Variants in RAD51B observed in about 807,000 individuals in gnomAD.
RAD51B encodes RAD51 paralog B.
A neutral mutation model predicts 42.2 loss-of-function variants in RAD51B; 38 were observed. That is an observed-to-expected ratio of 0.90 (90% confidence interval 0.70 to 1.18). The LOEUF is 1.18. Ranked by LOEUF, RAD51B falls within the 50% of genes most tolerant of loss-of-function variation. The pLI is 0.00. For missense variants in RAD51B, 373 were observed against 400.7 expected (o/e 0.93, Z 0.59); for synonymous variants, 154 against 145.2 (o/e 1.06, Z -0.43).
intron 7 of RAD51B, among the ~76,000 whole-genome samples, chr14:68,094,145 T>A (rs1215819388): frequency 6.6e-6 from 1 of 152,278 alleles, no homozygotes; most frequent in African/African-American, 2.4e-5. Context: ...TTTTTATTGT[T>A]GTGACGATTT....
At chr14:68,515,304 G>C (rs1385770822) in intron 10 of RAD51B, among the ~76,000 whole-genome samples, 1 of 152,150 alleles carries the variant, frequency 6.6e-6, no homozygotes, top group Non-Finnish European at 1.5e-5. Context: ...AAGGACCTGT[G>C]TCCAAGCTTG....
chr14:67,920,187 A>AGAG (rs1479727834), intron 7 of RAD51B, among the ~76,000 whole-genome samples: 1 of 152,186 alleles, frequency 6.6e-6, no homozygotes, highest in Non-Finnish European at 1.5e-5. Flanking sequence ...TGAATTTCTT[A>AGAG]GGTAATAATT....
intron 7 of RAD51B, among the ~76,000 whole-genome samples, chr14:68,104,059 T>C (rs1342978030): frequency 6.6e-6 from 1 of 152,184 alleles, no homozygotes; most frequent in African/African-American, 2.4e-5. Flanking sequence ...ACACAAGTAC[T>C]GTTTATGTTG....
chr14:68,045,986 C>A (rs2076293219), intron 7 of RAD51B, among the ~76,000 whole-genome samples: 1 of 152,168 alleles, frequency 6.6e-6, no homozygotes, highest in Non-Finnish European at 1.5e-5. Context: ...GCAACAGCAG[C>A]AGCAGCCACC....
At chr14:67,904,815 G>C (rs1185863945) in intron 7 of RAD51B, among the ~76,000 whole-genome samples, 2 of 151,652 alleles carry the variant, frequency 1.3e-5, no homozygotes, top group Non-Finnish European at 2.9e-5. Flanking sequence ...CTGGATATTA[G>C]ATCTCTGTTA....
intron 9 of RAD51B, among the ~76,000 whole-genome samples, chr14:68,424,975 G>A (rs2084798270): frequency 6.6e-6 from 1 of 152,138 alleles, no homozygotes; most frequent in Non-Finnish European, 1.5e-5. Context: ...GGGTCTTGCT[G>A]TGTTGCCCAG....
intron 10 of RAD51B, among the ~76,000 whole-genome samples, chr14:68,626,879 G>C (rs953547010): frequency 1.1e-4 from 17 of 152,154 alleles, no homozygotes; most frequent in African/African-American, 4.1e-4. Flanking sequence ...CTTGGAGACT[G>C]TCTATTACAG....
chr14:68,580,666 G>T (rs1245643379), intron 10 of RAD51B, among the ~76,000 whole-genome samples: 1 of 152,094 alleles, frequency 6.6e-6, no homozygotes, highest in East Asian at 1.9e-4. Flanking sequence ...GCACACGCCT[G>T]CCCCACACCT....
At chr14:68,597,098 A>G (rs1274031295), downstream of RAD51B, among the ~76,000 whole-genome samples, 1 of 152,226 alleles carries the variant, frequency 6.6e-6, no homozygotes, top group Non-Finnish European at 1.5e-5. Flanking sequence ...GAAATTAGCC[A>G]GCTACTGTCA....
rs544898659 is a variant in RAD51B at position 68,090,696 on chromosome 14, TTTA to T, written c.757-201168_757-201166del. ...TGATTTTATTTATTTTATTTATTTA[TTTA>T]TTATTATTATTATTATTATACTTTA... On this transcript the variant is annotated intron_variant, in intron 7 of 10. Coordinates refer to ENST00000471583, the MANE Select transcript of RAD51B (RefSeq NM_133510.4). 3.7e-3 allele frequency among the ~76,000 whole-genome samples: 543 copies of T among 147,052 alleles called. 2 individuals are homozygous for T. Among genetic ancestry groups the T allele is most frequent in the Middle Eastern group, 0.011 (3 of 284 alleles).
intron 7 of RAD51B, among the ~76,000 whole-genome samples, chr14:68,083,641 G>A (rs932561850): frequency 1.3e-5 from 2 of 152,134 alleles, no homozygotes; most frequent in African/African-American, 4.8e-5. Flanking sequence ...ATTAGCATTG[G>A]TTTGGTGGTT....
rs372977186 is a variant in RAD51B at position 68,562,431 on chromosome 14, C to A, written c.1037-32054C>A. ...AGAGGCCCATACAGCCCCCAGTCAA[C>A]CCTGCCTTTGCCATGTCAGCTGTGG... On this transcript the variant is annotated intron_variant, in intron 10 of 10. Coordinates refer to the RAD51B transcript ENST00000487270. The A allele has an allele frequency of 8.1e-6, 8 of 982,644 alleles. No homozygotes were observed. The East Asian group carries it at 6.8e-4, about 84-fold the overall frequency. The allele number at this position is 982,644 out of a possible 1,614,324, so 60.9% of individuals were successfully genotyped here.
intron 7 of RAD51B, among the ~76,000 whole-genome samples, chr14:68,089,461 C>A (rs2077053549): frequency 6.6e-6 from 1 of 152,066 alleles, no homozygotes; most frequent in African/African-American, 2.4e-5. Flanking sequence ...CATTAGTGAC[C>A]CAGCAGGGGG....
At chr14:68,270,794 C>T (rs1474705351) in intron 7 of RAD51B, among the ~76,000 whole-genome samples, 2 of 152,150 alleles carry the variant, frequency 1.3e-5, no homozygotes, top group Non-Finnish European at 2.9e-5. Flanking sequence ...TCTTTTATGG[C>T]AGATGAGCTA....
intron 7 of RAD51B, among the ~76,000 whole-genome samples, chr14:68,289,070 G>A (rs1269613802): frequency 1.3e-5 from 2 of 152,202 alleles, no homozygotes; most frequent in East Asian, 1.9e-4. Flanking sequence ...GACTAAAATA[G>A]GTAGAAATGA....
At chr14:68,460,241 C>T (rs1283253256) in intron 9 of RAD51B, among the ~76,000 whole-genome samples, 1 of 152,082 alleles carries the variant, frequency 6.6e-6, no homozygotes, top group Non-Finnish European at 1.5e-5. Flanking sequence ...CACCTGAGGT[C>T]AGGAGTTCGA....
intron 7 of RAD51B, among the ~76,000 whole-genome samples, chr14:68,142,152 A>T (rs1329693272): frequency 3.3e-5 from 5 of 151,850 alleles, no homozygotes; most frequent in Admixed American, 6.6e-5. Context: ...TTTTTTTTTT[A>T]AATGTCATAT....
intron 1 of RAD51B, among the ~76,000 whole-genome samples, chr14:67,823,312 T>C (rs971298891): frequency 7.9e-5 from 12 of 152,204 alleles, no homozygotes; most frequent in Admixed American, 4.6e-4. Context: ...GGTTGCCTTG[T>C]AGATTTTCTA....
downstream of RAD51B, among the ~76,000 whole-genome samples, chr14:68,615,951 T>C (rs1192633047): frequency 6.6e-6 from 1 of 152,214 alleles, no homozygotes; most frequent in Non-Finnish European, 1.5e-5. Flanking sequence ...ATCTTACTAT[T>C]TGTTTTCTAC....
Sources: allele counts gnomAD v4.1 joint callset (sites outside exome capture counted in the v4.1 genomes callset), GRCh38; gene constraint gnomAD v4.1.1; transcripts MANE v1.5; gene names NCBI Gene and HGNC (gene_info 2026-07-23, HGNC 2026-07-21).